RFC2: variants seen among roughly 807,000 people sequenced by gnomAD.
RFC2 encodes replication factor C subunit 2.
Under a neutral mutation model 44.8 loss-of-function variants are expected in RFC2, and 34 were observed. The observed-to-expected ratio is 0.76, with a 90% CI of 0.58 to 1.01. The LOEUF (loss-of-function observed/expected upper bound fraction) is 1.01. Ranked by LOEUF, RFC2 falls within the 50% of genes least tolerant of loss-of-function variation. The probability of loss-of-function intolerance (pLI) is 0.00; values close to 1 mark genes in which losing one functional copy is unlikely to be tolerated. For synonymous variants in RFC2, 177 were observed against 168.9 expected (o/e 1.05, Z -0.37); for missense variants, 400 against 453.6 (o/e 0.88, Z 1.07).
intron 10 of RFC2, 140 bp from the exon 11 acceptor site, chr7:74,232,356 C>G: frequency 1.7e-6 from 1 of 590,962 alleles, no homozygotes; most frequent in East Asian, 2.9e-5. Flanking sequence ...AATTCCAACC[C>G]CAGCCGGAAA....
intron 10 of RFC2, among the ~76,000 whole-genome samples, chr7:74,232,486 T>G (rs1802788548): frequency 1.3e-5 from 2 of 151,284 alleles, no homozygotes; most frequent in Admixed American, 6.6e-5. Context: ...GGGGGCGGGG[T>G]GGTGGCACGG....
chr7:74,246,315 C>T (rs1803604039), intron 5 of RFC2, among the ~76,000 whole-genome samples: 1 of 151,900 alleles, frequency 6.6e-6, no homozygotes, highest in African/African-American at 2.4e-5. Flanking sequence ...CAGGGAACCG[C>T]CTGAACCCGG....
intron 7 of RFC2, 131 bp from the exon 8 acceptor site, chr7:74,239,119 T>G: frequency 1.7e-6 from 1 of 592,826 alleles, no homozygotes; most frequent in South Asian, 1.7e-5. Flanking sequence ...CACCTCCGCC[T>G]CCCAAGTGCT....
chr7:74,232,691 C>T (rs1720935213), intron 10 of RFC2, among the ~76,000 whole-genome samples: 1 of 152,090 alleles, frequency 6.6e-6, no homozygotes, highest in African/African-American at 2.4e-5. Flanking sequence ...ATGGTAAAAC[C>T]CCATCTCTAC....
In RFC2 at chr7:74,238,169, C is replaced by T. The variant is rs921881269; in HGVS notation, c.760-727G>A. ...CGGGCCTCCCCTTCCTAAGTGGCCT[C>T]GAAAATGCATTCACTGCCCAGATCT... On this transcript the variant is annotated intron_variant, in intron 8 of 10. Coordinates refer to ENST00000055077, the MANE Select transcript of RFC2 (RefSeq NM_181471.3). This position sits in a 1 kb window ranked among gnomAD's most constrained non-coding sequence, Gnocchi z 4.0. Among the ~76,000 whole-genome samples, 1 of 151,306 alleles carries T rather than the reference C, an allele frequency of 6.6e-6. No individual in the cohort carries two copies.
At position 74,246,712 on chromosome 7, in the gene RFC2, G is replaced by C. The variant is rs1554720091; in HGVS notation, c.384C>G (p.Val128=). 6.2e-7 allele frequency: 1 copy of C among 1,613,318 alleles called. No individual in the cohort carries two copies. The highest frequency in any genetic ancestry group is 8.5e-7 in the Non-Finnish European group (1 of 1,179,584). ...NKIKMFAQQK[V]TLPKGRHKII... is the part of the protein sequence containing the mutation. ...TCTTATGTCGGCCTTTGGGAAGAGT[G>C]ACTTTTTGTTGAGCAAACATTTTAA... The change falls in exon 5 of 11, where the codon GTC becomes GTG. Residue 128 remains valine (V), a synonymous_variant. Transcript: ENST00000055077.
intron 6 of RFC2, among the ~76,000 whole-genome samples, chr7:74,240,383 T>C (rs1803260702): frequency 1.3e-5 from 2 of 151,464 alleles, no homozygotes; most frequent in South Asian, 4.2e-4. Flanking sequence ...ACGTCTGTAA[T>C]CCTAGCTACT....
At chr7:74,251,537 C>A (rs1006261633) in intron 2 of RFC2, among the ~76,000 whole-genome samples, 8 of 152,160 alleles carry the variant, frequency 5.3e-5, no homozygotes, top group African/African-American at 1.9e-4. Flanking sequence ...TGGTGGCTCA[C>A]GCCTGTAATC....
Position 74,231,531 on chromosome 7 carries a change from G to C in RFC2, c.*575C>G, listed in dbSNP as rs1554716998. On this transcript the variant is annotated 3_prime_UTR_variant, in exon 11 of 11. Coordinates refer to ENST00000055077, the MANE Select transcript of RFC2 (RefSeq NM_181471.3). Reference sequence around the variant, plus strand: ...CAACAAACACTGCAAGGCTTTATTAGCTAAAATGTCAACCCACACACAGAT... The same window carrying C: ...CAACAAACACTGCAAGGCTTTATTACCTAAAATGTCAACCCACACACAGAT... 1.3e-5 allele frequency: 2 copies of C among 152,246 alleles called. No individual in the cohort carries two copies. Among genetic ancestry groups the C allele is most frequent in the African/African-American group, 4.8e-5 (2 of 41,428 alleles). 9.4% of individuals were successfully genotyped at this position (152,246 alleles called of 1,614,324 possible). A position where few individuals can be genotyped will look rare whatever the true frequency, so the allele number is the denominator to read the frequency against.
intron 5 of RFC2, 31 bp downstream of exon 5, chr7:74,246,631 A>T: frequency 7.2e-7 from 1 of 1,381,768 alleles, no homozygotes; most frequent in Non-Finnish European, 1.0e-6. Flanking sequence ...TTAGAGATCA[A>T]GGTCAAAATA....
chr7:74,242,062 G>A (rs2116296793), intron 6 of RFC2, among the ~76,000 whole-genome samples: 1 of 152,300 alleles, frequency 6.6e-6, no homozygotes. Context: ...CAGACAGGCT[G>A]CAGGGAGGGA....
At position 74,243,153 on chromosome 7, in the gene RFC2, C is replaced by T; in HGVS notation, c.528G>A (p.Lys176=). ...CCGAAAGCTCCCACTCACCGATGATCTTATCCGAAGCATTACAAGCAAGGG... is the reference window on the plus strand; with the variant it reads ...CCGAAAGCTCCCACTCACCGATGATTTTATCCGAAGCATTACAAGCAAGGG... The part of the protein sequence containing the change: ...RFALACNASD[K]IIEPIQSRCA... Residue 176 remains lysine (K), a synonymous_variant, in exon 6 of 11, where the codon AAG becomes AAA. Transcript: ENST00000055077. 1.9e-6 allele frequency: 3 copies of T among 1,611,276 alleles called. No individual in the cohort carries two copies. The highest frequency in any genetic ancestry group is 1.7e-6 in the Non-Finnish European group (2 of 1,177,446).
At chr7:74,245,740 G>A (rs1160629146) in intron 5 of RFC2, among the ~76,000 whole-genome samples, 1 of 147,574 alleles carries the variant, frequency 6.8e-6, no homozygotes, top group Non-Finnish European at 1.5e-5. Flanking sequence ...AAAATTTATG[G>A]TTAATTATGT....
chr7:74,243,087 A>G (rs1028360168), intron 6 of RFC2, 59 bp downstream of exon 6: 8 of 1,152,386 alleles, frequency 6.9e-6, no homozygotes, highest in Non-Finnish European at 1.0e-5. Context: ...CATCTATAAA[A>G]AAGAAAAAAG....
At chr7:74,239,519 G>A (rs569680112) in intron 7 of RFC2, among the ~76,000 whole-genome samples, 8 of 152,296 alleles carry the variant, frequency 5.3e-5, no homozygotes, top group African/African-American at 1.9e-4. Flanking sequence ...TTTTAGTAGA[G>A]ATGAGGTTTC....
chr7:74,252,488 AT>A lies in RFC2; in HGVS notation c.123del (p.Lys41AsnfsTer5). The stretch of plus-strand genomic sequence containing the variant: ...ATTTCATTCAGCTTTACTGGCCTAT[AT>A]TTTTCAACCCTGTTAAGAAAATGCA... Reference protein sequence around the residue: ...AGHYELPWVEKYRPVKLNEIV... With the variant: ...AGHYELPWVEXYRPVKLNEIV... On this transcript the variant is annotated frameshift_variant, in exon 2 of 11. Coordinates refer to ENST00000055077, the MANE Select transcript of RFC2 (RefSeq NM_181471.3). LOFTEE classifies it high-confidence loss of function. The A allele has an allele frequency of 6.3e-7, 1 of 1,599,592 alleles. No homozygotes were observed. Among genetic ancestry groups the A allele is most frequent in the Non-Finnish European group, 8.6e-7 (1 of 1,167,200 alleles).
rs1029259802 is a variant in RFC2, at chr7:74,238,836, C to T, written c.759+87G>A. 5.6e-6 allele frequency: 6 copies of T among 1,075,824 alleles called. No individual in the cohort carries two copies. Among genetic ancestry groups the T allele is most frequent in the Non-Finnish European group, 8.6e-6 (6 of 698,290 alleles). The allele number at this position is 1,075,824 out of a possible 1,614,324, so 66.6% of individuals were successfully genotyped here. On this transcript the variant is annotated intron_variant, in intron 8 of 10. Transcript: ENST00000055077. This position sits in a 1 kb window ranked among gnomAD's most constrained non-coding sequence, Gnocchi z 4.0. ...ACAAGAGCAGCTAGATGTCCGTCCCCACTGCCAGCCCAGCCCTTCAGCCCC... is the reference window on the plus strand; with the variant it reads ...ACAAGAGCAGCTAGATGTCCGTCCCTACTGCCAGCCCAGCCCTTCAGCCCC...
At chr7:74,237,302 G>T in intron 9 of RFC2, 60 bp downstream of exon 9, 1 of 1,193,810 alleles carries the variant, frequency 8.4e-7, no homozygotes, top group Non-Finnish European at 1.2e-6. Context: ...AAGGGCTCCC[G>T]CTCTCCTCTG....
intron 1 of RFC2, among the ~76,000 whole-genome samples, chr7:74,252,953 A>C (rs1422960512): frequency 6.6e-6 from 1 of 152,218 alleles, no homozygotes; most frequent in African/African-American, 2.4e-5. Flanking sequence ...AATAATAAAT[A>C]AATAAAATGT....
Sources: allele counts gnomAD v4.1 joint callset (sites outside exome capture counted in the v4.1 genomes callset), GRCh38; gene constraint gnomAD v4.1.1; non-coding constraint Gnocchi (gnomAD v3.1); transcripts MANE v1.5; gene names NCBI Gene and HGNC (gene_info 2026-07-23, HGNC 2026-07-21).